The following ASIC2 variants were observed in gnomAD, a reference collection of about 807,000 sequenced individuals.
ASIC2 encodes the protein acid-sensing ion channel 2.
ASIC2 carries 25 observed loss-of-function variants against 57.3 expected under a neutral mutation model. The ratio of observed to expected loss-of-function variants is 0.44; its 90% CI spans 0.32 to 0.61. The LOEUF is 0.61. Ranked by LOEUF, ASIC2 falls within the 20% of genes least tolerant of loss-of-function variation. ASIC2 has a pLI of 0.06. For synonymous variants in ASIC2, 319 were observed against 307.5 expected, an observed-to-expected ratio of 1.04 and a Z score of -0.39; for missense variants, 641 against 738.1, an observed-to-expected ratio of 0.87 and a Z score of 1.52.
intron 1 of ASIC2, chr17:33,827,971 A>G (rs917126417): frequency 6.6e-6 from 1 of 152,036 alleles, no homozygotes; most frequent in Admixed American, 6.6e-5. Flanking sequence ...GAGATCATGC[A>G]GTATTTGGTT....
chr17:33,137,393 G>T (rs2092370950), intron 1 of ASIC2, among the ~76,000 whole-genome samples: 1 of 152,212 alleles, frequency 6.6e-6, no homozygotes, highest in Non-Finnish European at 1.5e-5. Context: ...CCAGGGGCTA[G>T]AATTTAAGGG....
At chr17:33,643,657 C>T (rs1185195801) in intron 1 of ASIC2, among the ~76,000 whole-genome samples, 1 of 152,136 alleles carries the variant, frequency 6.6e-6, no homozygotes, top group African/African-American at 2.4e-5. Flanking sequence ...TATACTAGCT[C>T]CCTTACTTAC....
At chr17:33,433,482 A>T (rs965304995) in intron 1 of ASIC2, among the ~76,000 whole-genome samples, 2 of 152,338 alleles carry the variant, frequency 1.3e-5, no homozygotes, top group East Asian at 3.9e-4. Flanking sequence ...CCGGCCAGGC[A>T]CAGTGGCTCA....
chr17:33,219,967 T>G (rs1184948119), intron 1 of ASIC2, among the ~76,000 whole-genome samples: 2 of 152,166 alleles, frequency 1.3e-5, no homozygotes, highest in African/African-American at 2.4e-5. Context: ...AGATGTCCCA[T>G]GGGGGTTAAG....
At chr17:33,432,690 C>T (rs1911461577) in intron 1 of ASIC2, among the ~76,000 whole-genome samples, 2 of 152,242 alleles carry the variant, frequency 1.3e-5, no homozygotes, top group African/African-American at 4.8e-5. Context: ...TTCTGGCTAA[C>T]AGTAGACTAT....
intron 1 of ASIC2, among the ~76,000 whole-genome samples, chr17:33,198,148 G>C (rs1406734053): frequency 1.3e-5 from 2 of 152,176 alleles, no homozygotes; most frequent in Non-Finnish European, 2.9e-5. Flanking sequence ...TCAGGAGCTG[G>C]AGACCATCCT....
At chr17:33,078,802 AGAACCAG>A (rs1453180470) in intron 3 of ASIC2, among the ~76,000 whole-genome samples, 1 of 152,236 alleles carries the variant, frequency 6.6e-6, no homozygotes, top group Non-Finnish European at 1.5e-5. Context: ...AGCTCTAAGA[AGAACCAG>A]GCTAGTCTTG....
At chr17:33,161,340 A>C (rs1234515167) in intron 1 of ASIC2, among the ~76,000 whole-genome samples, 2 of 152,056 alleles carry the variant, frequency 1.3e-5, no homozygotes, top group African/African-American at 4.8e-5. Flanking sequence ...ATTTGTTCCC[A>C]CTACAGAGCC....
In ASIC2 at chr17:33,270,194, C is replaced by T. The variant is rs187759037; in HGVS notation, c.708+21214G>A. Among the ~76,000 whole-genome samples, 4 of 152,278 alleles carry T rather than the reference C, an allele frequency of 2.6e-5. No individual in the cohort carries two copies. The East Asian group carries it at 7.7e-4, about 29-fold the overall frequency. On this transcript the variant is annotated intron_variant, in intron 1 of 9. Coordinates refer to ENST00000225823, the MANE Select transcript of ASIC2 (RefSeq NM_183377.2). ...TCTCCGACCACCCACCTAGTAAACCCCCAGGTTGGCAAGTTATTTCCATTA... is the reference window on the plus strand; with the variant it reads ...TCTCCGACCACCCACCTAGTAAACCTCCAGGTTGGCAAGTTATTTCCATTA...
At chr17:33,281,489 C>T (rs1004678866) in intron 1 of ASIC2, among the ~76,000 whole-genome samples, 1 of 152,224 alleles carries the variant, frequency 6.6e-6, no homozygotes, top group Non-Finnish European at 1.5e-5. Context: ...CATTTATCCA[C>T]AAACACTAGC....
At chr17:33,712,542 C>T (rs1909072530) in intron 1 of ASIC2, among the ~76,000 whole-genome samples, 1 of 151,804 alleles carries the variant, frequency 6.6e-6, no homozygotes, top group African/African-American at 2.4e-5. Flanking sequence ...TGGGGTCTCC[C>T]ATGTTGCAAC....
chr17:33,599,378 G>A (rs1174722751), intron 1 of ASIC2, among the ~76,000 whole-genome samples: 1 of 152,188 alleles, frequency 6.6e-6, no homozygotes, highest in Non-Finnish European at 1.5e-5. Flanking sequence ...TGAGGAGGTT[G>A]TGGTGGACAA....
At chr17:34,090,373 A>G (rs1180269391) in intron 1 of ASIC2, among the ~76,000 whole-genome samples, 1 of 152,056 alleles carries the variant, frequency 6.6e-6, no homozygotes, top group African/African-American at 2.4e-5. Flanking sequence ...AGTCAGCTGC[A>G]GACCTGGTGT....
chr17:34,000,432 T>C (rs1906302752), intron 1 of ASIC2, among the ~76,000 whole-genome samples: 1 of 152,096 alleles, frequency 6.6e-6, no homozygotes. Flanking sequence ...TTTGTATTTT[T>C]AGTAGAGATG....
intron 1 of ASIC2, among the ~76,000 whole-genome samples, chr17:33,866,385 ATCT>A (rs1914238009): frequency 1.3e-5 from 2 of 152,150 alleles, no homozygotes; most frequent in African/African-American, 4.8e-5. Context: ...TTGTATGGAT[ATCT>A]TCATAGTTTT....
At chr17:33,369,969 G>C (rs534264834) in intron 1 of ASIC2, among the ~76,000 whole-genome samples, 2 of 152,154 alleles carry the variant, frequency 1.3e-5, no homozygotes, top group African/African-American at 4.8e-5. Flanking sequence ...TCAGATTTCT[G>C]CAGCATTGTC....
At chr17:33,155,563 T>C (rs1172911867) in intron 1 of ASIC2, among the ~76,000 whole-genome samples, 1 of 121,516 alleles carries the variant, frequency 8.2e-6, no homozygotes, top group Non-Finnish European at 1.8e-5. Context: ...TTTCTTTCTT[T>C]CTTTTTTTTT....
intron 1 of ASIC2, among the ~76,000 whole-genome samples, chr17:33,563,912 A>G (rs1299153991): frequency 2.0e-5 from 3 of 152,136 alleles, no homozygotes; most frequent in Non-Finnish European, 2.9e-5. Flanking sequence ...TGCCATCTGG[A>G]GAGCCAAGTC....
intron 3 of ASIC2, among the ~76,000 whole-genome samples, chr17:33,084,518 C>G (rs1306282272): frequency 6.6e-6 from 1 of 152,232 alleles, no homozygotes; most frequent in Non-Finnish European, 1.5e-5. Flanking sequence ...GAAGCCCAAC[C>G]CTGCTGCTCC....
Sources: gnomAD v4.1 joint callset for allele counts (sites outside exome capture counted in the v4.1 genomes callset) on GRCh38, gnomAD v4.1.1 for gene constraint, MANE v1.5 for transcripts, NCBI Gene and HGNC (gene_info 2026-07-23, HGNC 2026-07-21) for gene names.